The following KAZN variants were observed in gnomAD, a reference collection of about 807,000 sequenced individuals.
KAZN encodes kazrin, periplakin interacting protein.
Under a neutral mutation model 87.4 loss-of-function variants are expected in KAZN, and 40 were observed. The ratio of observed to expected loss-of-function variants is 0.46; its 90% CI spans 0.36 to 0.60. The LOEUF (loss-of-function observed/expected upper bound fraction) is 0.60, where lower values mean the gene tolerates loss of function less well. KAZN is among the 20% of genes least tolerant of loss of function. The pLI, the probability that KAZN is intolerant of heterozygous loss-of-function variation, is 0.00. For synonymous variants in KAZN, 466 were observed against 458.3 expected (o/e 1.02, Z -0.22); for missense variants, 898 against 1,073.9 (o/e 0.84, Z 2.29).
At chr1:15,047,691 A>G (rs1355902021) in intron 4 of KAZN, among the ~76,000 whole-genome samples, 1 of 152,076 alleles carries the variant, frequency 6.6e-6, no homozygotes, top group Non-Finnish European at 1.5e-5. Context: ...CAATCGCTTG[A>G]ACCCAGAAGG....
At chr1:14,553,603 T>C (rs57160576) in intron 2 of KAZN, among the ~76,000 whole-genome samples, 59,347 of 152,026 alleles carry the variant, frequency 0.39, 12,996 homozygotes, top group African/African-American at 0.6. Flanking sequence ...GCCATGCGGC[T>C]AGTGAAGGTG....
At chr1:14,863,602 T>C (rs1651115884) in intron 1 of KAZN, among the ~76,000 whole-genome samples, 1 of 152,098 alleles carries the variant, frequency 6.6e-6, no homozygotes, top group Non-Finnish European at 1.5e-5. Flanking sequence ...TTCCTAACCT[T>C]AGGGGCTGTA....
At chr1:14,885,503 T>C (rs568262898) in intron 1 of KAZN, among the ~76,000 whole-genome samples, 1 of 152,178 alleles carries the variant, frequency 6.6e-6, no homozygotes, top group African/African-American at 2.4e-5. Flanking sequence ...CTTTATTTCC[T>C]TTTTTTATTT....
intron 2 of KAZN, among the ~76,000 whole-genome samples, chr1:14,447,596 T>G (rs916022710): frequency 6.6e-6 from 1 of 152,142 alleles, no homozygotes; most frequent in Non-Finnish European, 1.5e-5. Context: ...GTCCATCCTC[T>G]GCTTCATTTT....
chr1:14,599,173 C>CG lies in KAZN; in HGVS notation c.181dup (p.Asp61GlyfsTer53). 7.3e-7 allele frequency: 1 copy of CG among 1,377,652 alleles called. No homozygotes were observed. The highest frequency in any genetic ancestry group is 9.4e-7 in the Non-Finnish European group (1 of 1,068,080). The allele number at this position is 1,377,652 out of a possible 1,614,324, so 85.3% of individuals were successfully genotyped here. A position where few individuals can be genotyped will look rare whatever the true frequency, so the allele number is the denominator to read the frequency against. Reference sequence around the variant, plus strand: ...GGAGCCGCGGCCAGCGCCTCGGCGGCGGGGGACTCGGCGGCGACGAACATG... The same window carrying CG: ...GGAGCCGCGGCCAGCGCCTCGGCGGCGGGGGGACTCGGCGGCGACGAACATG... On this transcript the variant is annotated frameshift_variant, in exon 1 of 15. Transcript: ENST00000376030. LOFTEE classifies it high-confidence loss of function. This position sits in a 1 kb window ranked among gnomAD's most constrained non-coding sequence, Gnocchi z 4.4.
chr1:14,866,965 T>C (rs907241645), intron 1 of KAZN, among the ~76,000 whole-genome samples: 13 of 152,212 alleles, frequency 8.5e-5, no homozygotes, highest in African/African-American at 2.4e-4. Flanking sequence ...GCTGTTATTG[T>C]CATGGCATAA....
chr1:14,702,616 C>A (rs913986135), intron 1 of KAZN, among the ~76,000 whole-genome samples: 1 of 152,104 alleles, frequency 6.6e-6, no homozygotes, highest in Non-Finnish European at 1.5e-5. Context: ...GGGTGATACA[C>A]AATACACAGA....
intron 1 of KAZN, among the ~76,000 whole-genome samples, chr1:14,723,727 CA>C (rs998591696): frequency 6.6e-6 from 1 of 152,202 alleles, no homozygotes; most frequent in African/African-American, 2.4e-5. Context: ...TGCAGTGACT[CA>C]AAACCACGTC....
Position 14,111,850 on chromosome 1 carries a change from C to T in KAZN, c.92-68585C>T, listed in dbSNP as rs531635808. Among the ~76,000 whole-genome samples the T allele has an allele frequency of 5.3e-5, 8 of 151,746 alleles. No individual in the cohort carries two copies. In the East Asian group the frequency reaches 1.6e-3, roughly 30 times the overall value. ...GGCTTCCTGGGTTCAAGCGATTCTC[C>T]TGCCTCAGCCTCCTGAGTAGCTGGG... On this transcript the variant is annotated intron_variant, in intron 1 of 16. Transcript: ENST00000636203.
At chr1:14,036,995 G>A (rs1641588521) in intron 1 of KAZN, among the ~76,000 whole-genome samples, 2 of 152,094 alleles carry the variant, frequency 1.3e-5, no homozygotes, top group African/African-American at 4.8e-5. Flanking sequence ...GGTCAGGCTG[G>A]TCTCAAACTC....
chr1:14,740,057 A>G (rs1366906394), intron 1 of KAZN, among the ~76,000 whole-genome samples: 2 of 152,184 alleles, frequency 1.3e-5, no homozygotes, highest in African/African-American at 2.4e-5. Context: ...TCTGCAGTCA[A>G]CAAGGGACCA....
intron 2 of KAZN, among the ~76,000 whole-genome samples, chr1:14,432,583 C>T (rs927803980): frequency 3.3e-5 from 5 of 151,912 alleles, no homozygotes; most frequent in African/African-American, 4.8e-5. Context: ...CTTTAAGTTC[C>T]GGGATACATG....
chr1:15,066,540 A>G lies in KAZN; in HGVS notation c.1222+787A>G, dbSNP rs1639238811. 1.0e-6 allele frequency: 1 copy of G among 985,282 alleles called. No homozygotes were observed. The highest frequency in any genetic ancestry group is 1.2e-6 in the Non-Finnish European group (1 of 829,844). 61.0% of individuals were successfully genotyped at this position (985,282 alleles called of 1,614,324 possible). A position where few individuals can be genotyped will look rare whatever the true frequency, so the allele number is the denominator to read the frequency against. ...AACGGCCTACCAGTTTTTAAATTGC[A>G]TTGCCGTTTCTTTCTTTATGAAAAA... On this transcript the variant is annotated intron_variant, in intron 8 of 14. Transcript: ENST00000376030. This position sits in a 1 kb window ranked among gnomAD's most constrained non-coding sequence, Gnocchi z 4.3.
At chr1:14,754,503 G>A (rs1644502424) in intron 1 of KAZN, among the ~76,000 whole-genome samples, 1 of 151,966 alleles carries the variant, frequency 6.6e-6, no homozygotes, top group Non-Finnish European at 1.5e-5. Flanking sequence ...CATGGTGGTG[G>A]GCGCCTGTAA....
intron 1 of KAZN, among the ~76,000 whole-genome samples, chr1:14,085,439 C>A (rs552386188): frequency 6.6e-6 from 1 of 152,174 alleles, no homozygotes; most frequent in Non-Finnish European, 1.5e-5. Flanking sequence ...CTCACCACCC[C>A]CTGACCACTG....
intron 1 of KAZN, among the ~76,000 whole-genome samples, chr1:14,047,314 G>A (rs1383004524): frequency 6.6e-6 from 1 of 152,112 alleles, no homozygotes; most frequent in East Asian, 1.9e-4. Context: ...ACTAATCTCA[G>A]CCATATGCTT....
At chr1:14,328,432 G>T (rs1053926970) in intron 2 of KAZN, among the ~76,000 whole-genome samples, 23 of 152,134 alleles carry the variant, frequency 1.5e-4, no homozygotes, top group African/African-American at 5.3e-4. Flanking sequence ...GGCCAGGCAT[G>T]GTGGCTGACG....
chr1:14,710,901 G>T (rs1405455531), intron 1 of KAZN, among the ~76,000 whole-genome samples: 1 of 152,156 alleles, frequency 6.6e-6, no homozygotes, highest in Non-Finnish European at 1.5e-5. Flanking sequence ...TTATTGAGGG[G>T]GGCTGGGTAC....
intron 1 of KAZN, among the ~76,000 whole-genome samples, chr1:13,957,466 C>G (rs1244406362): frequency 6.6e-6 from 1 of 151,906 alleles, no homozygotes; most frequent in Non-Finnish European, 1.5e-5. Context: ...GTTGGGTACC[C>G]CTGTGTTTTA....
Sources: allele counts gnomAD v4.1 joint callset (sites outside exome capture counted in the v4.1 genomes callset), GRCh38; gene constraint gnomAD v4.1.1; non-coding constraint Gnocchi (gnomAD v3.1); transcripts MANE v1.5; gene names NCBI Gene and HGNC (gene_info 2026-07-23, HGNC 2026-07-21).